RSAD2: variants seen among roughly 807,000 people sequenced by gnomAD.
The protein encoded by RSAD2 is radical S-adenosyl methionine domain containing 2.
Under a neutral mutation model 37.7 loss-of-function variants are expected in RSAD2, and 38 were observed. The observed-to-expected ratio is 1.01, with a 90% confidence interval of 0.78 to 1.32. RSAD2 has a LOEUF of 1.32. Ranked by LOEUF, RSAD2 falls within the 40% of genes most tolerant of loss-of-function variation. RSAD2 has a pLI of 0.00. For synonymous variants in RSAD2, 163 were observed against 157.4 expected (o/e 1.04, Z -0.27); for missense variants, 428 against 437.5 (o/e 0.98, Z 0.19).
chr2:6,868,584 A>G (rs1487995114), intron 1 of RSAD2, among the ~76,000 whole-genome samples: 1 of 152,252 alleles, frequency 6.6e-6, no homozygotes, highest in Non-Finnish European at 1.5e-5. Flanking sequence ...AAAAGCACTG[A>G]GCAAGTTTCA....
chr2:6,871,779 A>G (rs553101788), intron 1 of RSAD2, among the ~76,000 whole-genome samples: 64 of 152,308 alleles, frequency 4.2e-4, no homozygotes, highest in African/African-American at 1.4e-3. Context: ...CTCATAAATT[A>G]AGCAAATAAG....
intron 4 of RSAD2, among the ~76,000 whole-genome samples, chr2:6,891,623 C>T (rs1663632472): frequency 6.6e-6 from 1 of 151,982 alleles, no homozygotes; most frequent in South Asian, 2.1e-4. Context: ...AAAAATTAGC[C>T]GGGCGTGGTT....
intron 1 of RSAD2, chr2:6,866,519 C>T: frequency 3.1e-6 from 3 of 981,110 alleles, no homozygotes; most frequent in Non-Finnish European, 2.4e-6. Context: ...ACCTCGAAAT[C>T]GCCTTTCTTC....
At chr2:6,866,549 G>T in intron 1 of RSAD2, 1 of 856,034 alleles carries the variant, frequency 1.2e-6, no homozygotes, top group Non-Finnish European at 1.4e-6. Context: ...GAAGTTTCCT[G>T]CACTAAGGTG....
chr2:6,873,401 A>C (rs1663232503), upstream of RSAD2, among the ~76,000 whole-genome samples: 2 of 152,188 alleles, frequency 1.3e-5, no homozygotes, highest in African/African-American at 4.8e-5. Flanking sequence ...AATACCCTTC[A>C]CACCAGGTTT....
Position 6,898,173 on chromosome 2 carries a change from T to C in RSAD2, c.*2231T>C, listed in dbSNP as rs1269280074. On this transcript the variant is annotated 3_prime_UTR_variant, in exon 6 of 6. Coordinates refer to ENST00000382040, the MANE Select transcript of RSAD2 (RefSeq NM_080657.5). Reference sequence around the variant, plus strand: ...ATTTTTTTCTAGCTGAGGGAAACTGTATTTTTCTTTCCCCAAAGAGGAATG... The same window carrying C: ...ATTTTTTTCTAGCTGAGGGAAACTGCATTTTTCTTTCCCCAAAGAGGAATG... 1.3e-5 allele frequency: 2 copies of C among 152,132 alleles called. No homozygotes were observed. The highest frequency in any genetic ancestry group is 4.8e-5 in the African/African-American group (2 of 41,406). 9.4% of individuals were successfully genotyped at this position (152,132 alleles called of 1,614,324 possible).
At chr2:6,876,664 A>T (rs982357036), upstream of RSAD2, 3 of 152,222 alleles carry the variant, frequency 2.0e-5, no homozygotes, top group Admixed American at 1.3e-4. Flanking sequence ...ATGTTAAGTT[A>T]AACATGTTTA....
intron 1 of RSAD2, among the ~76,000 whole-genome samples, chr2:6,871,088 A>G (rs1663196378): frequency 6.6e-6 from 1 of 152,244 alleles, no homozygotes; most frequent in Admixed American, 6.5e-5. Flanking sequence ...AGCCTTTTTC[A>G]GTTGGTACTT....
At chr2:6,890,362 AC>A in intron 4 of RSAD2, 37 bp downstream of exon 4, 1 of 1,605,170 alleles carries the variant, frequency 6.2e-7, no homozygotes, top group Non-Finnish European at 8.5e-7. Flanking sequence ...TTGTCATCAT[AC>A]ATTCAGATTG....
chr2:6,886,979 G>A lies in RSAD2; in HGVS notation c.553G>A (p.Glu185Lys), dbSNP rs765795790. ...CGCTATCTCCTGTGACAGCTTTGAC[G>A]AGGAAGTCAATGTCCTTATTGGCCG... ...ILAISCDSFD[E>K]EVNVLIGRGQ... Residue 185 changes from glutamate (E) to lysine (K), a missense_variant, in exon 3 of 6, where the codon GAG becomes AAG. Physicochemically the swap from Glu to Lys is moderately conservative, Grantham distance 56. Coordinates refer to ENST00000382040, the MANE Select transcript of RSAD2 (RefSeq NM_080657.5). 2.4e-5 allele frequency: 38 copies of A among 1,614,052 alleles called. No homozygotes were observed. The Admixed American group carries it at 3.5e-4, about 15-fold the overall frequency.
chr2:6,890,204 A>G lies in RSAD2; in HGVS notation c.767A>G (p.Glu256Gly). The change falls in exon 4 of 6, where the codon GAG becomes GGG. Residue 256 changes from glutamate (E) to glycine (G), a missense_variant. Transcript: ENST00000382040. ...KVFQCLLIEG[E>G]NCGEDALREA... ...TTCCAGTGCCTCTTAATTGAGGGTG[A>G]GAATTGTGGAGAAGATGCTCTAAGA... 1 of 1,614,168 alleles carries G rather than the reference A, an allele frequency of 6.2e-7. No homozygotes were observed. Among genetic ancestry groups the G allele is most frequent in the Non-Finnish European group, 8.5e-7 (1 of 1,179,998 alleles).
chr2:6,883,467 G>A lies in RSAD2; in HGVS notation c.443G>A (p.Arg148Gln), dbSNP rs149793142. 471 of 1,614,160 alleles carry A rather than the reference G, an allele frequency of 2.9e-4. 2 individuals are homozygous for A. The African/African-American group carries it at 4.9e-3, about 17-fold the overall frequency. Residue 148 changes from arginine to glutamine, a missense_variant, in exon 2 of 6, where the codon CGG becomes CAG. Coordinates refer to ENST00000382040, the MANE Select transcript of RSAD2 (RefSeq NM_080657.5). ...GTGAGGTTCTGCAAAGTAGAGTTGC[G>A]GCTGCCCAGCGTGAGCATCGTGAGC... The part of the protein sequence containing the change: ...KLVRFCKVEL[R>Q]LPSVSIVSNG...
At chr2:6,893,937 G>T (rs1311582317) in intron 5 of RSAD2, among the ~76,000 whole-genome samples, 2 of 152,260 alleles carry the variant, frequency 1.3e-5, no homozygotes, top group East Asian at 3.9e-4. Context: ...GCACTGATTT[G>T]CACTGAGCAC....
chr2:6,893,157 A>G (rs1006914151), intron 4 of RSAD2, among the ~76,000 whole-genome samples: 1 of 152,214 alleles, frequency 6.6e-6, no homozygotes, highest in African/African-American at 2.4e-5. Flanking sequence ...CTTCCCATCA[A>G]CAGTGCAGGT....
upstream of RSAD2, chr2:6,877,761 C>A: frequency 6.6e-7 from 1 of 1,511,018 alleles, no homozygotes. Flanking sequence ...AAGAGAGTCC[C>A]TGGCATACAG....
chr2:6,887,137 C>T lies in RSAD2; in HGVS notation c.711C>T (p.Ile237=), dbSNP rs143741204. 4.3e-6 allele frequency: 7 copies of T among 1,609,732 alleles called. No individual in the cohort carries two copies. The highest frequency in any genetic ancestry group is 5.9e-6 in the Non-Finnish European group (7 of 1,177,344). ...FNVEEDMTEQ[I]KALNPVRWKV... Reference sequence around the variant, plus strand: ...TGGAAGAGGACATGACGGAACAGATCAAAGCACTAAACCCTGTCCGCTGGA... The same window carrying T: ...TGGAAGAGGACATGACGGAACAGATTAAAGCACTAAACCCTGTCCGCTGGA... The change falls in exon 3 of 6, where the codon ATC becomes ATT. Residue 237 remains isoleucine (I), a synonymous_variant. Transcript: ENST00000382040.
chr2:6,878,160 C>T lies in RSAD2; in HGVS notation c.346+14C>T, dbSNP rs1347380591. 1.9e-6 allele frequency: 3 copies of T among 1,598,730 alleles called. No individual in the cohort carries two copies. The highest frequency in any genetic ancestry group is 2.7e-5 in the African/African-American group (2 of 74,498). ...TTAAGGAAGCTGGTGAGTACATGGT[C>T]CTAGACAGAAATCAGGATTCTCAAC... On this transcript the variant is annotated intron_variant, in intron 1 of 5. Transcript: ENST00000382040.
intron 5 of RSAD2, among the ~76,000 whole-genome samples, 166 bp downstream of exon 5, chr2:6,893,869 C>G (rs75992658): frequency 0.014 from 2,116 of 152,314 alleles, 49 homozygotes; most frequent in African/African-American, 0.048. Context: ...GCCCTCACTT[C>G]ACAGGGTCAA....
intron 1 of RSAD2, among the ~76,000 whole-genome samples, chr2:6,882,537 G>A (rs906759340): frequency 2.0e-5 from 3 of 152,192 alleles, no homozygotes; most frequent in Admixed American, 6.5e-5. Context: ...CAATGTTCCA[G>A]TAATAGAAGT....
Sources: allele counts gnomAD v4.1 joint callset (sites outside exome capture counted in the v4.1 genomes callset), GRCh38; gene constraint gnomAD v4.1.1; transcripts MANE v1.5; gene names NCBI Gene and HGNC (gene_info 2026-07-23, HGNC 2026-07-21).